The following MAGI1 variants were observed in gnomAD, a reference collection of about 807,000 sequenced individuals.
The protein encoded by MAGI1 is membrane-associated guanylate kinase, WW and PDZ domain-containing protein 1.
In MAGI1, 58 loss-of-function variants were observed where a neutral mutation model predicts 139.9. That is an observed-to-expected ratio of 0.41 (90% confidence interval 0.34 to 0.52). MAGI1 has a LOEUF of 0.52. MAGI1 is among the 20% of genes least tolerant of loss of function. The pLI, the probability that MAGI1 is intolerant of heterozygous loss-of-function variation, is 0.12. For missense variants in MAGI1, 1,874 were observed against 1,901.6 expected (o/e 0.99, Z 0.27); for synonymous variants, 812 against 737.9 (o/e 1.10, Z -1.63).
At chr3:66,004,211 C>A (rs2066896891) in intron 1 of MAGI1, among the ~76,000 whole-genome samples, 2 of 152,242 alleles carry the variant, frequency 1.3e-5, no homozygotes, top group African/African-American at 2.4e-5. Context: ...ATAAAACAAC[C>A]CTTTCATTAT....
At chr3:65,982,960 C>G (rs2065666149) in intron 1 of MAGI1, among the ~76,000 whole-genome samples, 2 of 152,150 alleles carry the variant, frequency 1.3e-5, no homozygotes, top group African/African-American at 4.8e-5. Context: ...CCCTCCGTCA[C>G]CTAGGCTACA....
intron 2 of MAGI1, among the ~76,000 whole-genome samples, chr3:65,521,971 G>T (rs753689661): frequency 1.3e-5 from 2 of 152,094 alleles, no homozygotes; most frequent in Non-Finnish European, 2.9e-5. Context: ...TTAAGGTAAT[G>T]ATGAGTTCCC....
chr3:65,368,463 C>T (rs1185705928), intron 18 of MAGI1, among the ~76,000 whole-genome samples: 3 of 152,226 alleles, frequency 2.0e-5, no homozygotes, highest in Non-Finnish European at 4.4e-5. Context: ...CAAATCTCGG[C>T]ACTTACTCTT....
chr3:65,501,831 T>C (rs1485045984), intron 2 of MAGI1, among the ~76,000 whole-genome samples: 2 of 152,196 alleles, frequency 1.3e-5, no homozygotes, highest in Non-Finnish European at 2.9e-5. Context: ...GGTGAATGAA[T>C]TCACTGTGGC....
At chr3:65,522,208 C>T (rs190893145) in intron 2 of MAGI1, among the ~76,000 whole-genome samples, 1 of 152,114 alleles carries the variant, frequency 6.6e-6, no homozygotes, top group African/African-American at 2.4e-5. Flanking sequence ...AAAAAGAATT[C>T]TTCACTGCAA....
chr3:65,439,937 C>A lies in MAGI1; in HGVS notation c.1212G>T (p.Gln404His). The change falls in exon 9 of 23, where the codon CAG (glutamine) becomes CAT (histidine). Residue 404 changes from glutamine to histidine, a missense_variant. Coordinates refer to ENST00000402939, the MANE Select transcript of MAGI1 (RefSeq NM_001033057.2). ...GCTGTTGCTGCTGCTGTTGCTGCTGCTGCTGCTGCTCAAGCTGCTTCTTCC... is the reference window on the plus strand; with the variant it reads ...GCTGTTGCTGCTGCTGTTGCTGCTGATGCTGCTGCTCAAGCTGCTTCTTCC... ...AKRKKQLEQQQQQQQQQQQQQ... is the reference protein window; with the variant it reads ...AKRKKQLEQQHQQQQQQQQQQ... 6.2e-7 allele frequency: 1 copy of A among 1,613,588 alleles called. No individual in the cohort carries two copies. Among genetic ancestry groups the A allele is most frequent in the Non-Finnish European group, 8.5e-7 (1 of 1,179,866 alleles).
chr3:65,582,705 C>T (rs2081494519), intron 2 of MAGI1, among the ~76,000 whole-genome samples: 2 of 152,160 alleles, frequency 1.3e-5, no homozygotes, highest in Non-Finnish European at 1.5e-5. Context: ...ACCAAGGCCA[C>T]TACGACCCCA....
intron 2 of MAGI1, chr3:65,549,308 C>T (rs1177328089): frequency 2.0e-6 from 1 of 512,670 alleles, no homozygotes; most frequent in Admixed American, 6.4e-5. Context: ...TTTCCGTCTT[C>T]CCTCTTCCTC....
intron 1 of MAGI1, among the ~76,000 whole-genome samples, chr3:65,897,858 G>C (rs1394311323): frequency 2.1e-5 from 3 of 145,442 alleles, no homozygotes; most frequent in Non-Finnish European, 4.5e-5. Context: ...GTAAAATCCT[G>C]TCCAAAAAAA....
At chr3:65,700,659 AT>A in intron 1 of MAGI1, among the ~76,000 whole-genome samples, 1 of 152,194 alleles carries the variant, frequency 6.6e-6, no homozygotes, top group African/African-American at 2.4e-5. Context: ...TAATGTTGTG[AT>A]TTTTTTGGGT....
At position 65,557,871 on chromosome 3, in the gene MAGI1, G is replaced by A. The variant is rs548842142; in HGVS notation, c.430+64101C>T. Among the ~76,000 whole-genome samples the A allele has an allele frequency of 1.2e-4, 18 of 152,258 alleles. No homozygotes were observed. In the East Asian group the frequency reaches 3.3e-3, roughly 28 times the overall value. On this transcript the variant is annotated intron_variant, in intron 2 of 22. Transcript: ENST00000402939. ...GGTAGGGAGTTAACATGTAACGTGA[G>A]CCCTAAAATCAATCAGTAATTAATA... is the stretch of plus-strand genomic sequence containing the variant.
chr3:65,405,564 T>G (rs565866893), intron 12 of MAGI1, among the ~76,000 whole-genome samples: 7 of 152,100 alleles, frequency 4.6e-5, no homozygotes, highest in African/African-American at 1.4e-4. Flanking sequence ...CACATACATA[T>G]CCACAGATAC....
At position 65,910,960 on chromosome 3, in the gene MAGI1, C is replaced by T. The variant is rs537320415; in HGVS notation, c.313+127036G>A. On this transcript the variant is annotated intron_variant, in intron 1 of 22. Transcript: ENST00000402939. ...GCAACCTCTGCCTCCTGGGTTCAAG[C>T]GATTCTCCTGCCTCAGCCTCCTGAG... 2.7e-5 allele frequency among the ~76,000 whole-genome samples: 4 copies of T among 148,516 alleles called. No individual in the cohort carries two copies. The East Asian group carries it at 6.1e-4, about 23-fold the overall frequency.
chr3:65,538,509 A>G (rs570123587), intron 2 of MAGI1, among the ~76,000 whole-genome samples: 1 of 152,192 alleles, frequency 6.6e-6, no homozygotes, highest in Non-Finnish European at 1.5e-5. Context: ...TCAATTCCCT[A>G]CAGTTAAATT....
intron 2 of MAGI1, among the ~76,000 whole-genome samples, chr3:65,571,312 C>T (rs1002173969): frequency 1.3e-5 from 2 of 151,964 alleles, no homozygotes; most frequent in Non-Finnish European, 2.9e-5. Flanking sequence ...CAAATTTTTC[C>T]TCAAATTTTG....
chr3:65,414,855 T>TAAAAAAAA (rs57931361), intron 12 of MAGI1, among the ~76,000 whole-genome samples: 1 of 131,156 alleles, frequency 7.6e-6, no homozygotes, highest in Non-Finnish European at 1.6e-5. Flanking sequence ...CCGTCTCTAC[T>TAAAAAAAA]AAAAAAAAAA....
intron 1 of MAGI1, among the ~76,000 whole-genome samples, chr3:65,667,322 A>G (rs2086594271): frequency 6.6e-6 from 1 of 152,166 alleles, no homozygotes; most frequent in Non-Finnish European, 1.5e-5. Context: ...ATGAACGAAT[A>G]TAATACAGAA....
In MAGI1 at chr3:65,439,964, T is replaced by A. The variant is rs1948151527; in HGVS notation, c.1185A>T (p.Lys395Asn). 1.9e-6 allele frequency: 3 copies of A among 1,613,848 alleles called. No homozygotes were observed. Among genetic ancestry groups the A allele is most frequent in the Admixed American group, 1.7e-5 (1 of 59,900 alleles). The change falls in exon 9 of 23, where the codon AAA becomes AAT. Residue 395 changes from lysine (K) to asparagine (N), a missense_variant. Lys to Asn is a moderately conservative substitution (Grantham distance 94, BLOSUM62 0). Around this residue, in one of 5 missense-constraint regions of MAGI1, gnomAD observed 648 missense variants for 598.1 expected, o/e 1.08. Transcript: ENST00000402939. ...TQYENPVLEA[K>N]RKKQLEQQQQ... Reference sequence around the variant, plus strand: ...GCTGCTGCTCAAGCTGCTTCTTCCGTTTGGCTTCTAGAACCGGGTTCTCAT... The same window carrying A: ...GCTGCTGCTCAAGCTGCTTCTTCCGATTGGCTTCTAGAACCGGGTTCTCAT...
chr3:65,808,146 C>A (rs892868260), intron 1 of MAGI1, among the ~76,000 whole-genome samples: 3 of 152,086 alleles, frequency 2.0e-5, no homozygotes, highest in East Asian at 1.9e-4. Flanking sequence ...CCACCACGCC[C>A]AGCTAATTTT....
Sources: allele counts gnomAD v4.1 joint callset (sites outside exome capture counted in the v4.1 genomes callset), GRCh38; gene constraint gnomAD v4.1.1; regional missense constraint gnomAD v4.1.1; transcripts MANE v1.5; gene names NCBI Gene and HGNC (gene_info 2026-07-23, HGNC 2026-07-21).